The following ANKS1B variants were observed in gnomAD, a reference collection of about 807,000 sequenced individuals.
The protein encoded by ANKS1B is ankyrin repeat and sterile alpha motif domain-containing protein 1B.
ANKS1B carries 36 observed loss-of-function variants against 148.3 expected under a neutral mutation model. That is an observed-to-expected ratio of 0.24 (90% CI 0.19 to 0.32). The LOEUF is 0.32. Among genes scored for constraint, ANKS1B ranks in the 10% least tolerant of loss-of-function variants. The pLI is 1.00. For missense variants in ANKS1B, 1,157 were observed against 1,542.6 expected, an observed-to-expected ratio of 0.75 and a Z score of 4.19; for synonymous variants, 542 against 560.8, an observed-to-expected ratio of 0.97 and a Z score of 0.47.
At chr12:99,827,580 G>T (rs989805086) in intron 1 of ANKS1B, among the ~76,000 whole-genome samples, 3 of 152,024 alleles carry the variant, frequency 2.0e-5, no homozygotes, top group Non-Finnish European at 2.9e-5. Flanking sequence ...TGTGAGAGGT[G>T]GTCATTTGTT....
At chr12:99,328,489 A>T (rs2086905822) in intron 12 of ANKS1B, among the ~76,000 whole-genome samples, 1 of 151,966 alleles carries the variant, frequency 6.6e-6, no homozygotes, top group Non-Finnish European at 1.5e-5. Flanking sequence ...TAGTCAGATT[A>T]GAATTAGGTG....
chr12:99,064,875 TA>T (rs1349131903), intron 16 of ANKS1B, among the ~76,000 whole-genome samples: 1 of 152,228 alleles, frequency 6.6e-6, no homozygotes, highest in Non-Finnish European at 1.5e-5. Context: ...AAAAATTTAA[TA>T]AGAGGAAATG....
chr12:99,772,900 C>T, intron 8 of ANKS1B, 22 bp downstream of exon 8: 1 of 1,600,064 alleles, frequency 6.2e-7, no homozygotes, highest in Middle Eastern at 1.7e-4. Flanking sequence ...ACATTATCTT[C>T]ATTCCCCCCC....
intron 18 of ANKS1B, 167 bp downstream of exon 18, chr12:98,831,862 G>A (rs2099319108): frequency 1.5e-6 from 1 of 655,074 alleles, no homozygotes; most frequent in African/African-American, 1.8e-5. Context: ...TGATTTTCAT[G>A]TCTCAGCCTC....
At chr12:99,311,582 C>T (rs764988869) in intron 12 of ANKS1B, among the ~76,000 whole-genome samples, 8 of 152,018 alleles carry the variant, frequency 5.3e-5, no homozygotes, top group African/African-American at 9.7e-5. Flanking sequence ...ATTGAAACCA[C>T]CAGAGGGAAC....
At chr12:98,808,425 T>C (rs1391174974) in intron 19 of ANKS1B, among the ~76,000 whole-genome samples, 2 of 152,200 alleles carry the variant, frequency 1.3e-5, no homozygotes, top group Non-Finnish European at 2.9e-5. Context: ...CCTCCAGAGT[T>C]CTTACGGGCA....
At chr12:99,543,149 A>C (rs2097142476) in intron 9 of ANKS1B, among the ~76,000 whole-genome samples, 1 of 152,100 alleles carries the variant, frequency 6.6e-6, no homozygotes, top group African/African-American at 2.4e-5. Flanking sequence ...CAAATTATCC[A>C]ATTTAAAAGT....
chr12:99,673,594 C>T (rs948720037), intron 8 of ANKS1B, among the ~76,000 whole-genome samples: 1 of 151,694 alleles, frequency 6.6e-6, no homozygotes. Flanking sequence ...AATTTTATAC[C>T]AAGAAAAGTT....
At chr12:98,962,489 A>G (rs1444698964) in intron 17 of ANKS1B, among the ~76,000 whole-genome samples, 1 of 151,872 alleles carries the variant, frequency 6.6e-6, no homozygotes, top group Non-Finnish European at 1.5e-5. Context: ...GATAGACCTG[A>G]ATACAATAAT....
At chr12:99,135,579 A>C (rs780073533) in intron 15 of ANKS1B, among the ~76,000 whole-genome samples, 2 of 152,190 alleles carry the variant, frequency 1.3e-5, no homozygotes, top group African/African-American at 4.8e-5. Flanking sequence ...ACACTGTAAG[A>C]CAAGAGAGCA....
At chr12:98,913,629 T>A (rs2099789810) in intron 17 of ANKS1B, among the ~76,000 whole-genome samples, 1 of 151,356 alleles carries the variant, frequency 6.6e-6, no homozygotes. Context: ...TTTCTTCATA[T>A]TTTTTTTGTT....
chr12:99,549,164 G>A (rs2097196640), intron 9 of ANKS1B, among the ~76,000 whole-genome samples: 1 of 152,134 alleles, frequency 6.6e-6, no homozygotes, highest in Non-Finnish European at 1.5e-5. Flanking sequence ...CAACCCATGT[G>A]AACAGTCAAG....
At chr12:99,532,453 C>A (rs2097008097) in intron 9 of ANKS1B, among the ~76,000 whole-genome samples, 1 of 152,110 alleles carries the variant, frequency 6.6e-6, no homozygotes, top group Non-Finnish European at 1.5e-5. Context: ...CTCCGCCTCC[C>A]AGGTTCACGC....
intron 9 of ANKS1B, among the ~76,000 whole-genome samples, chr12:99,615,124 G>T (rs995576798): frequency 6.6e-6 from 1 of 152,088 alleles, no homozygotes; most frequent in Non-Finnish European, 1.5e-5. Flanking sequence ...GAATTCCAAA[G>T]TGTTTACACA....
intron 26 of ANKS1B, among the ~76,000 whole-genome samples, chr12:98,750,530 G>A (rs571783483): frequency 1.3e-5 from 2 of 152,288 alleles, no homozygotes; most frequent in African/African-American, 4.8e-5. Context: ...GGTGGGGGCT[G>A]GTGAGAAGGA....
intron 1 of ANKS1B, among the ~76,000 whole-genome samples, chr12:99,829,921 G>A (rs557898351): frequency 3.3e-5 from 5 of 152,228 alleles, no homozygotes; most frequent in African/African-American, 4.8e-5. Context: ...AAGTGAGTCC[G>A]ATACGGTCTT....
chr12:99,931,134 T>C (rs1370353962), intron 1 of ANKS1B, among the ~76,000 whole-genome samples: 1 of 151,640 alleles, frequency 6.6e-6, no homozygotes, highest in Non-Finnish European at 1.5e-5. Flanking sequence ...TAGGTGGAAT[T>C]GAACAATGAG....
chr12:99,228,127 CCTACTGTT>C (rs553581969), intron 14 of ANKS1B, among the ~76,000 whole-genome samples: 260 of 151,980 alleles, frequency 1.7e-3, no homozygotes, highest in African/African-American at 5.6e-3. Context: ...AAGATCTAGC[CCTACTGTT>C]TCATTTTCAA....
At chr12:99,528,441 A>AAAAAC (rs2096952383) in intron 9 of ANKS1B, among the ~76,000 whole-genome samples, 1 of 150,248 alleles carries the variant, frequency 6.7e-6, no homozygotes, top group African/African-American at 2.5e-5. Context: ...ACAAAAAAAA[A>AAAAAC]AACAAAAAAA....
Sources: gnomAD v4.1 joint callset for allele counts (sites outside exome capture counted in the v4.1 genomes callset) on GRCh38, gnomAD v4.1.1 for gene constraint, MANE v1.5 for transcripts, NCBI Gene and HGNC (gene_info 2026-07-23, HGNC 2026-07-21) for gene names.